The following GABRR1 variants were observed in gnomAD, a reference collection of about 807,000 sequenced individuals.
The protein encoded by GABRR1 is gamma-aminobutyric acid type A receptor subunit rho1.
GABRR1 carries 59 observed loss-of-function variants against 55.5 expected under a neutral mutation model. The observed-to-expected ratio is 1.06, with a 90% CI of 0.86 to 1.32. The LOEUF is 1.32. Ranked by LOEUF, GABRR1 falls within the 40% of genes most tolerant of loss-of-function variation. The pLI is 0.00. For synonymous variants in GABRR1, 213 were observed against 226.0 expected, an observed-to-expected ratio of 0.94 and a Z score of 0.51; for missense variants, 602 against 619.1, an observed-to-expected ratio of 0.97 and a Z score of 0.29.
chr6:89,188,946 A>C (rs1269887757), intron 6 of GABRR1, among the ~76,000 whole-genome samples: 1 of 152,060 alleles, frequency 6.6e-6, no homozygotes, highest in Non-Finnish European at 1.5e-5. Flanking sequence ...ACTGTTGTCA[A>C]ACTTGTTTTG....
At position 89,180,321 on chromosome 6, in the gene GABRR1, C is replaced by T; in HGVS notation, c.1117G>A (p.Glu373Lys). The T allele has an allele frequency of 6.2e-7, 1 of 1,613,860 alleles. No homozygotes were observed. Among genetic ancestry groups the T allele is most frequent in the East Asian group, 2.2e-5 (1 of 44,874 alleles). ...AAVNYLTTVQ[E>K]RKEQKLREKL... ...TCCCGCAGCTTCTGTTCCTTCCTCT[C>T]CTGCACAGTGGTCAGGTAGTTGACG... Residue 373 changes from glutamate (E) to lysine (K), a missense_variant, in exon 9 of 10, where the codon GAG (glutamate) becomes AAG (lysine). Glu to Lys is a moderately conservative substitution (Grantham distance 56, BLOSUM62 1). Around this residue, in one of 3 missense-constraint regions of GABRR1, gnomAD observed 139 missense variants for 141.1 expected, o/e 0.99. Coordinates refer to ENST00000454853, the MANE Select transcript of GABRR1 (RefSeq NM_002042.5).
At chr6:89,195,499 C>G (rs1772235440) in intron 5 of GABRR1, among the ~76,000 whole-genome samples, 1 of 151,568 alleles carries the variant, frequency 6.6e-6, no homozygotes, top group Admixed American at 6.6e-5. Context: ...TGGCAACAGA[C>G]TTCCCAATGG....
intron 5 of GABRR1, among the ~76,000 whole-genome samples, chr6:89,194,562 G>A (rs558655730): frequency 1.2e-4 from 19 of 152,264 alleles, no homozygotes; most frequent in African/African-American, 4.3e-4. Flanking sequence ...ACCATGATTT[G>A]TAATCTCTCT....
intron 1 of GABRR1, 65 bp downstream of exon 1, chr6:89,217,136 A>G: frequency 6.4e-7 from 1 of 1,557,186 alleles, no homozygotes. Context: ...TTTCTAGAAG[A>G]ACACTGTAAG....
chr6:89,183,812 T>C (rs1297929537), intron 7 of GABRR1, among the ~76,000 whole-genome samples: 1 of 152,098 alleles, frequency 6.6e-6, no homozygotes, highest in Non-Finnish European at 1.5e-5. Flanking sequence ...AGCTAAGCTA[T>C]GGAAACACAA....
In GABRR1 at chr6:89,180,479, G is replaced by A. The variant is rs757338894; in HGVS notation, c.959C>T (p.Thr320Met). The change falls in exon 9 of 10, where the codon ACG becomes ATG. Residue 320 changes from threonine to methionine, a missense_variant. Physicochemically the swap from Thr to Met is moderately conservative, Grantham distance 81. Around this residue, in one of 3 missense-constraint regions of GABRR1, gnomAD observed 435 missense variants for 424.2 expected, o/e 1.03. Coordinates refer to ENST00000454853, the MANE Select transcript of GABRR1 (RefSeq NM_002042.5). ...GATGATGGTGGACATGGTCAGCACCGTTGTGATACCTGCAAACACAAGAAT... is the reference window on the plus strand; with the variant it reads ...GATGATGGTGGACATGGTCAGCACCATTGTGATACCTGCAAACACAAGAAT... Reference protein sequence around the residue: ...VPARVPLGITTVLTMSTIITG... With the variant: ...VPARVPLGITMVLTMSTIITG... 8.1e-6 allele frequency: 13 copies of A among 1,612,672 alleles called. No individual in the cohort carries two copies. Among genetic ancestry groups the A allele is most frequent in the Admixed American group, 3.4e-5 (2 of 59,400 alleles).
At chr6:89,224,886 G>A (rs961659769) in intron 1 of GABRR1, among the ~76,000 whole-genome samples, 3 of 152,112 alleles carry the variant, frequency 2.0e-5, no homozygotes, top group South Asian at 2.1e-4. Flanking sequence ...AGGTTCAAGC[G>A]ATTCTCCTGC....
intron 1 of GABRR1, among the ~76,000 whole-genome samples, chr6:89,216,986 C>G (rs34183812): frequency 6.6e-6 from 1 of 151,942 alleles, no homozygotes; most frequent in East Asian, 1.9e-4. Flanking sequence ...TAAAAATGCA[C>G]TGATAAAATG....
intron 3 of GABRR1, among the ~76,000 whole-genome samples, chr6:89,200,241 C>CTTTTT (rs10603486): frequency 5.8e-5 from 5 of 86,360 alleles, no homozygotes; most frequent in South Asian, 4.6e-4. Context: ...TTCTTTTTCC[C>CTTTTT]TTTTTTTTTT....
intron 1 of GABRR1, among the ~76,000 whole-genome samples, chr6:89,213,836 C>G: frequency 2.0e-5 from 1 of 50,602 alleles, no homozygotes; most frequent in Non-Finnish European, 4.4e-5. Flanking sequence ...ATGGGTAATT[C>G]TTGGGTGTTT....
At chr6:89,182,675 T>C (rs1771765327) in intron 7 of GABRR1, among the ~76,000 whole-genome samples, 1 of 152,192 alleles carries the variant, frequency 6.6e-6, no homozygotes, top group African/African-American at 2.4e-5. Flanking sequence ...TAAATGAAGA[T>C]ACCTGGGCCC....
At chr6:89,230,959 C>G (rs1191276779) in intron 1 of GABRR1, among the ~76,000 whole-genome samples, 1 of 151,870 alleles carries the variant, frequency 6.6e-6, no homozygotes, top group Non-Finnish European at 1.5e-5. Context: ...GGGATATAGT[C>G]TCGTGGTGCG....
Position 89,178,986 on chromosome 6 carries a change from G to A in GABRR1, c.1224C>T (p.Asp408=). Residue 408 remains aspartate (D), a synonymous_variant, in exon 10 of 10, where the codon GAC becomes GAT. Coordinates refer to ENST00000454853, the MANE Select transcript of GABRR1 (RefSeq NM_002042.5). Reference sequence around the variant, plus strand: ...CATTCTCTGGCATGTAGTTGTCCAGGTCATTCACCTCCCCATCACTGTAGT... The same window carrying A: ...CATTCTCTGGCATGTAGTTGTCCAGATCATTCACCTCCCCATCACTGTAGT... ...DGNYSDGEVN[D]LDNYMPENGE... The A allele has an allele frequency of 6.2e-7, 1 of 1,614,150 alleles. No homozygotes were observed. Among genetic ancestry groups the A allele is most frequent in the Middle Eastern group, 1.6e-4 (1 of 6,062 alleles).
In GABRR1 at chr6:89,182,021, C is replaced by T. The variant is rs538977133; in HGVS notation, c.833G>A (p.Arg278His). 5.0e-6 allele frequency: 8 copies of T among 1,613,982 alleles called. No homozygotes were observed. The highest frequency in any genetic ancestry group is 4.0e-5 in the African/African-American group (3 of 74,992). The change falls in exon 8 of 10, where the codon CGT (arginine) becomes CAT (histidine). Residue 278 changes from arginine to histidine, a missense_variant. Around this residue, in one of 3 missense-constraint regions of GABRR1, gnomAD observed 435 missense variants for 424.2 expected, o/e 1.03. Transcript: ENST00000454853. ...YNRLYINFTL[R>H]RHIFFFLLQT... ...GAGCAAGAAGAAGAAGATGTGGCGA[C>T]GCAACGTGAAATTAATGTAGAGACG...
intron 1 of GABRR1, among the ~76,000 whole-genome samples, chr6:89,208,760 G>C (rs574127859): frequency 6.6e-5 from 10 of 152,346 alleles, no homozygotes; most frequent in Non-Finnish European, 1.0e-4. Context: ...ACAGAGAAAG[G>C]CATAAGGATG....
intron 1 of GABRR1, among the ~76,000 whole-genome samples, chr6:89,216,721 TC>T (rs528585491): frequency 9.2e-5 from 14 of 152,228 alleles, no homozygotes; most frequent in Non-Finnish European, 1.9e-4. Context: ...CTAATAATGA[TC>T]CTTCTAGTCA....
intron 5 of GABRR1, 127 bp downstream of exon 5, chr6:89,197,893 C>T: frequency 1.4e-6 from 1 of 708,784 alleles, no homozygotes; most frequent in South Asian, 1.8e-5. Flanking sequence ...GTTAGTTTTC[C>T]TTGATGTTGA....
intron 1 of GABRR1, among the ~76,000 whole-genome samples, chr6:89,224,825 C>T (rs950684583): frequency 2.6e-5 from 4 of 152,150 alleles, no homozygotes; most frequent in South Asian, 4.1e-4. Flanking sequence ...CTCTGTCACC[C>T]AGGCTGGAGT....
At chr6:89,197,155 A>G (rs1377359334) in intron 5 of GABRR1, among the ~76,000 whole-genome samples, 1 of 152,244 alleles carries the variant, frequency 6.6e-6, no homozygotes, top group African/African-American at 2.4e-5. Flanking sequence ...CAGCTTCAAC[A>G]TTGCAATCTC....
Sources: gnomAD v4.1 joint callset for allele counts (sites outside exome capture counted in the v4.1 genomes callset) on GRCh38, gnomAD v4.1.1 for gene constraint, gnomAD v4.1.1 regional missense constraint, MANE v1.5 for transcripts, NCBI Gene and HGNC (gene_info 2026-07-23, HGNC 2026-07-21) for gene names.